CBFA2T2: variants seen among roughly 807,000 people sequenced by gnomAD.
CBFA2T2 encodes the protein protein CBFA2T2.
A neutral mutation model predicts 62.2 loss-of-function variants in CBFA2T2; 11 were observed. The ratio of observed to expected loss-of-function variants is 0.18; its 90% CI spans 0.11 to 0.29. The LOEUF (loss-of-function observed/expected upper bound fraction) is 0.29, where lower values mean the gene tolerates loss of function less well. CBFA2T2 is among the 10% of genes least tolerant of loss of function. CBFA2T2 has a pLI of 1.00. For synonymous variants in CBFA2T2, 295 were observed against 287.5 expected (o/e 1.03, Z -0.27); for missense variants, 592 against 774.1 (o/e 0.76, Z 2.79).
At chr20:33,603,694 A>C (rs1029253589) in intron 1 of CBFA2T2, among the ~76,000 whole-genome samples, 1 of 152,204 alleles carries the variant, frequency 6.6e-6, no homozygotes, top group African/African-American at 2.4e-5. Flanking sequence ...GACTTAAGCC[A>C]CAATTGAGGG....
intron 1 of CBFA2T2, among the ~76,000 whole-genome samples, chr20:33,576,004 G>A (rs2013809404): frequency 6.6e-6 from 1 of 151,712 alleles, no homozygotes; most frequent in African/African-American, 2.4e-5. Flanking sequence ...AGCCAGGATG[G>A]CCTCGATCTC....
chr20:33,634,625 C>T (rs901584089), intron 8 of CBFA2T2, among the ~76,000 whole-genome samples: 16 of 131,016 alleles, frequency 1.2e-4, no homozygotes, highest in African/African-American at 3.1e-4. Context: ...GAGCTGAGTT[C>T]GTGCCAATGC....
intron 1 of CBFA2T2, among the ~76,000 whole-genome samples, chr20:33,587,116 G>C (rs915682016): frequency 5.3e-5 from 8 of 150,902 alleles, no homozygotes; most frequent in Non-Finnish European, 1.0e-4. Flanking sequence ...GAATTCGATG[G>C]CATCTTTTTT....
In CBFA2T2 at chr20:33,572,912, A is replaced by G. The variant is rs530975894; in HGVS notation, c.35-34044A>G. Among the ~76,000 whole-genome samples the G allele has an allele frequency of 3.9e-5, 6 of 152,382 alleles. No individual in the cohort carries two copies. In the South Asian group the frequency reaches 1.2e-3, roughly 32 times the overall value. ...GGGCATGGCTGGAAGCAGCAAGACC[A>G]GAAGTGAAAAGTGACAAGTTTGGCC... is the stretch of plus-strand genomic sequence containing the variant. On this transcript the variant is annotated intron_variant, in intron 1 of 10. Transcript: ENST00000342704.
chr20:33,595,404 G>T (rs936101298), intron 1 of CBFA2T2, among the ~76,000 whole-genome samples: 2 of 152,016 alleles, frequency 1.3e-5, no homozygotes, highest in Non-Finnish European at 2.9e-5. Flanking sequence ...TAGAGACGGG[G>T]TTTCACCACG....
At chr20:33,628,152 G>T (rs2016314149) in intron 6 of CBFA2T2, among the ~76,000 whole-genome samples, 198 bp from the exon 7 acceptor site, 2 of 152,104 alleles carry the variant, frequency 1.3e-5, no homozygotes. Flanking sequence ...CAATTGATTT[G>T]TTGGAGTTTT....
chr20:33,593,934 G>A (rs144389933), intron 1 of CBFA2T2, among the ~76,000 whole-genome samples: 2,121 of 152,292 alleles, frequency 0.014, 41 homozygotes, highest in Non-Finnish European at 0.02. Flanking sequence ...GTAGATCATG[G>A]CATTCAAGCC....
intron 1 of CBFA2T2, among the ~76,000 whole-genome samples, chr20:33,594,841 T>C (rs186542267): frequency 4.0e-4 from 61 of 152,272 alleles, no homozygotes; most frequent in Non-Finnish European, 8.5e-4. Flanking sequence ...GTGGTAGGGG[T>C]GGCTTCCATA....
intron 1 of CBFA2T2, among the ~76,000 whole-genome samples, chr20:33,547,754 G>T (rs1043966300): frequency 2.0e-5 from 3 of 148,520 alleles, no homozygotes; most frequent in African/African-American, 7.4e-5. Flanking sequence ...AGTCTGCCTG[G>T]CAGAAAATTA....
At chr20:33,620,882 T>G (rs1025105136) in intron 4 of CBFA2T2, among the ~76,000 whole-genome samples, 4 of 152,182 alleles carry the variant, frequency 2.6e-5, no homozygotes, top group Non-Finnish European at 5.9e-5. Context: ...AATACAGGTA[T>G]CAAATCAGGA....
intron 1 of CBFA2T2, among the ~76,000 whole-genome samples, chr20:33,501,656 T>TTTTTTTTC (rs1242139299): frequency 7.1e-6 from 1 of 140,898 alleles, no homozygotes; most frequent in Non-Finnish European, 1.5e-5. Flanking sequence ...TTTTTTTTTT[T>TTTTTTTTC]TTGAGAGGGA....
At chr20:33,533,327 C>A (rs995787234) in intron 1 of CBFA2T2, among the ~76,000 whole-genome samples, 3 of 152,168 alleles carry the variant, frequency 2.0e-5, no homozygotes, top group African/African-American at 7.2e-5. Context: ...CACTAATCTG[C>A]TTTCAGTCAC....
At chr20:33,508,196 G>C (rs1259705805) in intron 1 of CBFA2T2, among the ~76,000 whole-genome samples, 1 of 152,138 alleles carries the variant, frequency 6.6e-6, no homozygotes, top group Non-Finnish European at 1.5e-5. Context: ...CCGGGTTTAA[G>C]TGATTCTCCT....
At chr20:33,624,690 T>C in intron 5 of CBFA2T2, 74 bp from the exon 6 acceptor site, 2 of 1,530,048 alleles carry the variant, frequency 1.3e-6, no homozygotes, top group Non-Finnish European at 1.8e-6. Flanking sequence ...ACCTAATACA[T>C]AGTAGGTTCT....
intron 5 of CBFA2T2, among the ~76,000 whole-genome samples, chr20:33,624,191 A>G (rs143994627): frequency 1.1e-3 from 172 of 151,262 alleles, no homozygotes; most frequent in African/African-American, 4.0e-3. Context: ...CAAAGAAGGC[A>G]ATATCAACAA....
Position 33,624,841 on chromosome 20 carries a change from C to T in CBFA2T2, c.770C>T (p.Ala257Val). The T allele has an allele frequency of 6.2e-7, 1 of 1,614,178 alleles. No individual in the cohort carries two copies. The highest frequency in any genetic ancestry group is 8.5e-7 in the Non-Finnish European group (1 of 1,180,028). The change falls in exon 6 of 11, where the codon GCT (alanine) becomes GTT (valine). Residue 257 changes from alanine (A) to valine (V), a missense_variant. Physicochemically the swap from Ala to Val is moderately conservative, Grantham distance 64 (BLOSUM62 0). Around this residue, in one of 3 missense-constraint regions of CBFA2T2, gnomAD observed 449 missense variants for 551.2 expected, o/e 0.81. Transcript: ENST00000342704. ...PAKRVCTISP[A>V]PRHSPALTVP... Reference sequence around the variant, plus strand: ...AAGAGAGTATGTACCATCAGCCCTGCTCCTCGGCACAGTCCTGCTCTCACT... The same window carrying T: ...AAGAGAGTATGTACCATCAGCCCTGTTCCTCGGCACAGTCCTGCTCTCACT...
rs190860788 is a variant in CBFA2T2, at chr20:33,547,149, G to A, written c.34+56848G>A. Among the ~76,000 whole-genome samples, 617 of 152,234 alleles carry A rather than the reference G, an allele frequency of 4.1e-3. 6 individuals are homozygous for A. Among genetic ancestry groups the A allele is most frequent in the African/African-American group, 0.014 (564 of 41,556 alleles). ...CAGGAGGCAGAGGTTGCAGTGAGCC[G>A]AGATTGTGCAGTTGCACTCTAGCCT... On this transcript the variant is annotated intron_variant, in intron 1 of 10. Coordinates refer to ENST00000342704, the MANE Select transcript of CBFA2T2 (RefSeq NM_001032999.3).
chr20:33,625,178 T>C (rs1204788167), intron 6 of CBFA2T2, among the ~76,000 whole-genome samples, 161 bp downstream of exon 6: 2 of 151,964 alleles, frequency 1.3e-5, no homozygotes, highest in African/African-American at 4.8e-5. Flanking sequence ...TTGATATCAA[T>C]CTCATTTGAT....
intron 1 of CBFA2T2, among the ~76,000 whole-genome samples, chr20:33,565,006 A>G (rs981660622): frequency 4.1e-5 from 6 of 147,210 alleles, no homozygotes; most frequent in Admixed American, 6.8e-5. Context: ...TGCAAGCTCC[A>G]CCTCCCCGGT....
Sources: allele counts gnomAD v4.1 joint callset (sites outside exome capture counted in the v4.1 genomes callset), GRCh38; gene constraint gnomAD v4.1.1; regional missense constraint gnomAD v4.1.1; transcripts MANE v1.5; gene names NCBI Gene and HGNC (gene_info 2026-07-23, HGNC 2026-07-21).